The following CLDN10 variants were observed in gnomAD, a reference collection of about 807,000 sequenced individuals.
CLDN10 encodes the protein claudin-10.
CLDN10 carries 15 observed loss-of-function variants against 22.9 expected under a neutral mutation model. The observed-to-expected ratio is 0.65, with a 90% confidence interval of 0.44 to 1.01. The LOEUF (loss-of-function observed/expected upper bound fraction) is 1.01. CLDN10 is among the 50% of genes least tolerant of loss of function. The pLI, the probability that CLDN10 is intolerant of heterozygous loss-of-function variation, is 0.00. For missense variants in CLDN10, 247 were observed against 287.8 expected (o/e 0.86, Z 1.03); for synonymous variants, 114 against 111.4 (o/e 1.02, Z -0.15).
intron 1 of CLDN10, among the ~76,000 whole-genome samples, chr13:95,510,209 A>G (rs2043081911): frequency 6.6e-6 from 1 of 152,174 alleles, no homozygotes; most frequent in Non-Finnish European, 1.5e-5. Flanking sequence ...TCTGGCTTCC[A>G]GTGAAGAACA....
chr13:95,497,352 C>T (rs1366159729), intron 1 of CLDN10, among the ~76,000 whole-genome samples: 2 of 152,250 alleles, frequency 1.3e-5, no homozygotes, highest in East Asian at 1.9e-4. Context: ...AAGAAAATCA[C>T]AAGAGAAGCC....
intron 1 of CLDN10, among the ~76,000 whole-genome samples, chr13:95,501,543 A>G (rs1018598287): frequency 6.6e-6 from 1 of 152,090 alleles, no homozygotes; most frequent in Non-Finnish European, 1.5e-5. Context: ...ATTTCTAGTA[A>G]TTCTTCTTGT....
At chr13:95,526,744 G>A (rs938870248) in intron 1 of CLDN10, among the ~76,000 whole-genome samples, 21 of 151,760 alleles carry the variant, frequency 1.4e-4, no homozygotes, top group Non-Finnish European at 7.4e-5. Flanking sequence ...CCAATGTTGC[G>A]TCACTGCACT....
intron 1 of CLDN10, among the ~76,000 whole-genome samples, chr13:95,515,180 T>TTTGTTG (rs146017884): frequency 5.3e-5 from 8 of 150,730 alleles, no homozygotes; most frequent in African/African-American, 2.0e-4. Flanking sequence ...GCTAATTACG[T>TTTGTTG]TTGTTGTTGT....
intron 1 of CLDN10, among the ~76,000 whole-genome samples, chr13:95,487,617 T>G (rs997345022): frequency 1.3e-5 from 2 of 152,294 alleles, no homozygotes; most frequent in African/African-American, 4.8e-5. Context: ...ACATACTTCA[T>G]GAACTCATGG....
chr13:95,471,453 A>ATATTTTTTTTT (rs776857009), intron 1 of CLDN10, among the ~76,000 whole-genome samples: 21 of 106,392 alleles, frequency 2.0e-4, no homozygotes, highest in African/African-American at 5.6e-4. Flanking sequence ...ATATATATAT[A>ATATTTTTTTTT]TTTTTTTTTT....
intron 1 of CLDN10, among the ~76,000 whole-genome samples, chr13:95,448,195 A>G (rs954473239): frequency 3.3e-5 from 5 of 152,076 alleles, no homozygotes; most frequent in African/African-American, 1.2e-4. Context: ...ACACCTCAAC[A>G]CACTACACAC....
intron 1 of CLDN10, among the ~76,000 whole-genome samples, chr13:95,459,355 C>A (rs1566280996): frequency 6.6e-6 from 1 of 152,216 alleles, no homozygotes; most frequent in Non-Finnish European, 1.5e-5. Context: ...TTCCACACTA[C>A]CCTACCAGAG....
chr13:95,476,064 A>G (rs1489634487), intron 1 of CLDN10, among the ~76,000 whole-genome samples: 1 of 152,118 alleles, frequency 6.6e-6, no homozygotes, highest in African/African-American at 2.4e-5. Flanking sequence ...ACTTGTGGTG[A>G]TAGGACATAT....
rs1170776240 is a variant in CLDN10 at position 95,507,627 on chromosome 13, AT to A, written c.215-52492del. Among the ~76,000 whole-genome samples, 889 of 139,262 alleles carry A rather than the reference AT, an allele frequency of 6.4e-3. 1 individual carries two copies. The highest frequency in any genetic ancestry group is 0.016 in the Middle Eastern group (4 of 248). 91.4% of individuals were successfully genotyped at this position (139,262 alleles called of 152,430 possible). ...CATAGTGACACCTGCAAAAAAAAAAATTTTTTTTTTTTTGAGACAGAGTTCT... is the reference window on the plus strand; with the variant it reads ...CATAGTGACACCTGCAAAAAAAAAAATTTTTTTTTTTTGAGACAGAGTTCT... On this transcript the variant is annotated intron_variant, in intron 1 of 4. Transcript: ENST00000376873.
intron 1 of CLDN10, among the ~76,000 whole-genome samples, chr13:95,481,498 A>G (rs969292141): frequency 1.3e-5 from 2 of 152,190 alleles, no homozygotes; most frequent in Non-Finnish European, 2.9e-5. Context: ...GCTGTAAAGC[A>G]GGGGTCAGTA....
intron 1 of CLDN10, among the ~76,000 whole-genome samples, chr13:95,546,370 T>C (rs532020408): frequency 6.6e-6 from 1 of 152,272 alleles, no homozygotes; most frequent in Admixed American, 6.5e-5. Flanking sequence ...TTCAGTTTCC[T>C]CTTCTGTACA....
intron 1 of CLDN10, among the ~76,000 whole-genome samples, chr13:95,491,495 C>T (rs2138516410): frequency 6.6e-6 from 1 of 152,036 alleles, no homozygotes; most frequent in Non-Finnish European, 1.5e-5. Context: ...AAAGTATGTC[C>T]AAAATTTCCT....
At chr13:95,481,575 T>C (rs2042747549) in intron 1 of CLDN10, among the ~76,000 whole-genome samples, 1 of 152,198 alleles carries the variant, frequency 6.6e-6, no homozygotes, top group South Asian at 2.1e-4. Flanking sequence ...ACTCTGCTGT[T>C]GGGCATGAGA....
chr13:95,455,042 T>C (rs1173392238), intron 1 of CLDN10, among the ~76,000 whole-genome samples: 1 of 151,986 alleles, frequency 6.6e-6, no homozygotes, highest in African/African-American at 2.4e-5. Flanking sequence ...CTGGGTGTGG[T>C]GGAGTACAAC....
chr13:95,481,266 C>T lies in CLDN10; in HGVS notation c.214+47219C>T, dbSNP rs546743766. 2.4e-4 allele frequency among the ~76,000 whole-genome samples: 36 copies of T among 152,260 alleles called. No individual in the cohort carries two copies. In the South Asian group the frequency reaches 4.4e-3, roughly 18 times the overall value. ...TTTATGACTAACTATAATGTTAAATCTGTGACTCAGTGCGGACCTTGCCTG... is the reference window on the plus strand; with the variant it reads ...TTTATGACTAACTATAATGTTAAATTTGTGACTCAGTGCGGACCTTGCCTG... On this transcript the variant is annotated intron_variant, in intron 1 of 4. Transcript: ENST00000376873.
chr13:95,483,764 T>A (rs1431600881), intron 1 of CLDN10, among the ~76,000 whole-genome samples: 1 of 152,196 alleles, frequency 6.6e-6, no homozygotes, highest in Non-Finnish European at 1.5e-5. Context: ...TGCTCCACCA[T>A]CCATTGGTCA....
intron 1 of CLDN10, among the ~76,000 whole-genome samples, chr13:95,469,156 C>A (rs1003331129): frequency 2.0e-5 from 3 of 150,214 alleles, no homozygotes; most frequent in African/African-American, 7.3e-5. Flanking sequence ...GCATTTACCC[C>A]ACTAGGATTA....
chr13:95,524,293 T>G (rs2043254741), intron 1 of CLDN10, among the ~76,000 whole-genome samples: 1 of 152,172 alleles, frequency 6.6e-6, no homozygotes, highest in Non-Finnish European at 1.5e-5. Flanking sequence ...ATTAACTCTG[T>G]TTTTCTATTT....
Sources: allele counts gnomAD v4.1 joint callset (sites outside exome capture counted in the v4.1 genomes callset), GRCh38; gene constraint gnomAD v4.1.1; transcripts MANE v1.5; gene names NCBI Gene and HGNC (gene_info 2026-07-23, HGNC 2026-07-21).